UBE4B: variants seen among roughly 807,000 people sequenced by gnomAD.
The protein encoded by UBE4B is ubiquitination factor E4B.
In UBE4B, 27 loss-of-function variants were observed where a neutral mutation model predicts 148.1. The observed-to-expected ratio is 0.18, with a 90% CI of 0.13 to 0.25. The LOEUF (loss-of-function observed/expected upper bound fraction) is 0.25. UBE4B is among the 10% of genes least tolerant of loss of function. UBE4B has a pLI of 1.00. For missense variants in UBE4B, 1,170 were observed against 1,662.4 expected (o/e 0.70, Z 5.15); for synonymous variants, 596 against 619.3 (o/e 0.96, Z 0.56).
At chr1:10,117,413 A>AT in intron 7 of UBE4B, 46 bp from the exon 8 acceptor site, 1 of 1,606,726 alleles carries the variant, frequency 6.2e-7, no homozygotes, top group South Asian at 1.1e-5. Flanking sequence ...TCTGCCAAAA[A>AT]TAATCAAGAG....
intron 1 of UBE4B, among the ~76,000 whole-genome samples, chr1:10,055,736 A>C (rs565277946): frequency 1.3e-5 from 2 of 152,256 alleles, no homozygotes; most frequent in Non-Finnish European, 2.9e-5. Context: ...CCTGGTCAAC[A>C]TGGTGAAACC....
intron 2 of UBE4B, among the ~76,000 whole-genome samples, chr1:10,082,878 A>G (rs1410181616): frequency 6.9e-6 from 1 of 145,658 alleles, no homozygotes; most frequent in East Asian, 2.0e-4. Flanking sequence ...CTCATTGTTC[A>G]ACTCCCATTT....
intron 14 of UBE4B, among the ~76,000 whole-genome samples, chr1:10,131,911 C>T (rs986561005): frequency 6.6e-6 from 1 of 151,834 alleles, no homozygotes; most frequent in Non-Finnish European, 1.5e-5. Context: ...CGAGATGTGC[C>T]ACTGCACTTT....
chr1:10,155,344 C>T (rs900308685), intron 21 of UBE4B, among the ~76,000 whole-genome samples: 3 of 152,172 alleles, frequency 2.0e-5, no homozygotes, highest in African/African-American at 7.2e-5. Flanking sequence ...TTCACTTAAT[C>T]CCCACGGCAG....
At chr1:10,136,940 T>C (rs1207624183) in intron 16 of UBE4B, 127 bp from the exon 17 acceptor site, 3 of 1,057,098 alleles carry the variant, frequency 2.8e-6, no homozygotes, top group Non-Finnish European at 4.0e-6. Flanking sequence ...AATAAATAAA[T>C]AAACAAATAA....
At chr1:10,117,309 A>G (rs927929685) in intron 7 of UBE4B, 150 bp from the exon 8 acceptor site, 2 of 940,432 alleles carry the variant, frequency 2.1e-6, no homozygotes, top group African/African-American at 1.7e-5. Flanking sequence ...AGCAGGTGAA[A>G]CAAGCAGTCA....
At position 10,177,104 on chromosome 1, in the gene UBE4B, A is replaced by T. The variant is rs148864607; in HGVS notation, c.3526-1540A>T. On this transcript the variant is annotated intron_variant, in intron 25 of 27. Coordinates refer to ENST00000343090, the MANE Select transcript of UBE4B (RefSeq NM_001105562.3). The stretch of plus-strand genomic sequence containing the variant: ...GCCCAACCAGAAGAGTTCTTTATGT[A>T]TTCTGGATGCTAGGTCATATCAGAT... Among the ~76,000 whole-genome samples, 593 of 151,864 alleles carry T rather than the reference A, an allele frequency of 3.9e-3. 6 individuals carry two copies. Among genetic ancestry groups the T allele is most frequent in the African/African-American group, 0.013 (559 of 41,446 alleles).
At chr1:10,159,439 G>A (rs1488794550) in intron 22 of UBE4B, among the ~76,000 whole-genome samples, 8 of 152,188 alleles carry the variant, frequency 5.3e-5, no homozygotes, top group African/African-American at 1.9e-4. Flanking sequence ...TTGGGAGGCC[G>A]AGCAGGGCGG....
rs72861491 is a variant in UBE4B, at chr1:10,129,161, T to G, written c.1639-231T>G. Reference sequence around the variant, plus strand: ...GTTATCTTTGAGGGTAAAGCTTGAGTAATTTTTAGTTTCATTTTATATTTC... The same window carrying G: ...GTTATCTTTGAGGGTAAAGCTTGAGGAATTTTTAGTTTCATTTTATATTTC... On this transcript the variant is annotated intron_variant, in intron 11 of 27. Transcript: ENST00000343090. 3.2e-3 allele frequency: 1,492 copies of G among 466,294 alleles called. 26 individuals are homozygous for G. The highest frequency in any genetic ancestry group is 0.026 in the African/African-American group (1,377 of 52,638). The allele number at this position is 466,294 out of a possible 1,614,324, so 28.9% of individuals were successfully genotyped here.
Position 10,168,908 on chromosome 1 carries a change from G to A in UBE4B, c.3333+638G>A, listed in dbSNP as rs1024115417. 2.0e-5 allele frequency among the ~76,000 whole-genome samples: 3 copies of A among 148,266 alleles called. No individual in the cohort carries two copies. The highest frequency in any genetic ancestry group is 2.0e-4 in the East Asian group (1 of 5,092). On this transcript the variant is annotated intron_variant, in intron 24 of 27. Coordinates refer to ENST00000343090, the MANE Select transcript of UBE4B (RefSeq NM_001105562.3). The surrounding 1 kb of genome is among the most constrained non-coding windows in gnomAD (Gnocchi z 4.9). ...CTCCATCTCAAAAAAAAAAAAAAAAGAAGAAGAAAAAGCATAAGGTAACAG... is the reference window on the plus strand; with the variant it reads ...CTCCATCTCAAAAAAAAAAAAAAAAAAAGAAGAAAAAGCATAAGGTAACAG...
Position 10,168,291 on chromosome 1 carries a change from C to T in UBE4B, c.3333+21C>T. On this transcript the variant is annotated intron_variant, in intron 24 of 27. Transcript: ENST00000343090. This position sits in a 1 kb window ranked among gnomAD's most constrained non-coding sequence, Gnocchi z 4.9. Reference sequence around the variant, plus strand: ...GACCGGTGAGTAGAAACCCGGGGCTCTGTTTGGTGGTTTGGACTCCACATT... The same window carrying T: ...GACCGGTGAGTAGAAACCCGGGGCTTTGTTTGGTGGTTTGGACTCCACATT... 6.2e-7 allele frequency: 1 copy of T among 1,612,964 alleles called. No homozygotes were observed. Among genetic ancestry groups the T allele is most frequent in the Non-Finnish European group, 8.5e-7 (1 of 1,179,462 alleles).
At chr1:10,035,276 C>G (rs1022137235) in intron 1 of UBE4B, among the ~76,000 whole-genome samples, 13 of 151,476 alleles carry the variant, frequency 8.6e-5, no homozygotes, top group Non-Finnish European at 1.8e-4. Flanking sequence ...GGATTACAGG[C>G]GTGAGCCACC....
chr1:10,033,294 C>A lies in UBE4B; in HGVS notation c.-377C>A. 1 of 185,858 alleles carries A rather than the reference C, an allele frequency of 5.4e-6. No homozygotes were observed. The highest frequency in any genetic ancestry group is 1.3e-4 in the East Asian group (1 of 7,792). 11.5% of individuals were successfully genotyped at this position (185,858 alleles called of 1,614,324 possible). A position where few individuals can be genotyped will look rare whatever the true frequency, so the allele number is the denominator to read the frequency against. ...TGCTGTAGGAACGCAGCTACCGCGC[C>A]ACTATCACGAAGAAACAGCAGGCTC... On this transcript the variant is annotated 5_prime_UTR_variant, in exon 1 of 28. Coordinates refer to ENST00000343090, the MANE Select transcript of UBE4B (RefSeq NM_001105562.3).
Position 10,113,239 on chromosome 1 carries a change from C to A in UBE4B, c.1197-4220C>A, listed in dbSNP as rs571827677. ...GGAGGATGTCCCAGACTCTTTTAAA[C>A]AACCAGATCTCACGTGAACTCACTG... On this transcript the variant is annotated intron_variant, in intron 7 of 27. Transcript: ENST00000343090. Among the ~76,000 whole-genome samples the A allele has an allele frequency of 7.9e-5, 12 of 152,246 alleles. No individual in the cohort carries two copies. The East Asian group carries it at 2.3e-3, about 29-fold the overall frequency.
Position 10,105,630 on chromosome 1 carries a change from TTGC to T in UBE4B, c.699_701del (p.Ala236del). 1 of 1,614,208 alleles carries T rather than the reference TTGC, an allele frequency of 6.2e-7. No individual in the cohort carries two copies. The highest frequency in any genetic ancestry group is 8.5e-7 in the Non-Finnish European group (1 of 1,180,040). On this transcript the variant is annotated inframe_deletion, in exon 6 of 28. Transcript: ENST00000343090. ...AGTCTGACAGCCACATCACAGCCAA[TTGC>T]TGCAGCAGCACGGTCACCAGACAGA... is the stretch of plus-strand genomic sequence containing the variant.
In UBE4B at chr1:10,119,620, A is replaced by G; in HGVS notation, c.1439+7A>G. 6.2e-7 allele frequency: 1 copy of G among 1,611,392 alleles called. No individual in the cohort carries two copies. The highest frequency in any genetic ancestry group is 8.5e-7 in the Non-Finnish European group (1 of 1,178,130). ...GCTCCCTAACACAGCCCAGGTATGA[A>G]GACCCGTGACGTGCTTGACATTAGC... On this transcript the variant is annotated splice_region_variant and intron_variant, in intron 9 of 27. Transcript: ENST00000343090.
chr1:10,079,238 G>A (rs114975679), intron 2 of UBE4B, among the ~76,000 whole-genome samples: 4,155 of 152,146 alleles, frequency 0.027, 162 homozygotes, highest in African/African-American at 0.09. Flanking sequence ...GGGCAGTGAC[G>A]TAGTCTGCCT....
chr1:10,080,545 G>C (rs1644662245), intron 2 of UBE4B, among the ~76,000 whole-genome samples: 1 of 152,130 alleles, frequency 6.6e-6, no homozygotes, highest in South Asian at 2.1e-4. Context: ...CATATGATCT[G>C]GCAGTCCCAC....
chr1:10,053,414 C>T (rs962610999), intron 1 of UBE4B, among the ~76,000 whole-genome samples: 1 of 151,512 alleles, frequency 6.6e-6, no homozygotes, highest in South Asian at 2.1e-4. Context: ...CTCCCAAAGT[C>T]CTGGGATTAC....
Sources: allele counts gnomAD v4.1 joint callset (sites outside exome capture counted in the v4.1 genomes callset), GRCh38; gene constraint gnomAD v4.1.1; non-coding constraint Gnocchi (gnomAD v3.1); transcripts MANE v1.5; gene names NCBI Gene and HGNC (gene_info 2026-07-23, HGNC 2026-07-21).